The following ANKRD44 variants were observed in gnomAD, a reference collection of about 807,000 sequenced individuals.
The protein encoded by ANKRD44 is ankyrin repeat domain 44, also known as serine/threonine-protein phosphatase 6 regulatory ankyrin repeat subunit B.
ANKRD44 carries 35 observed loss-of-function variants against 116.0 expected under a neutral mutation model. That is an observed-to-expected ratio of 0.30 (90% CI 0.23 to 0.40). The LOEUF (loss-of-function observed/expected upper bound fraction) is 0.40, where lower values mean the gene tolerates loss of function less well. Ranked by LOEUF, ANKRD44 falls within the 10% of genes least tolerant of loss-of-function variation. The pLI is 1.00. For missense variants in ANKRD44, 1,014 were observed against 1,242.6 expected, an observed-to-expected ratio of 0.82 and a Z score of 2.77; for synonymous variants, 435 against 461.8, an observed-to-expected ratio of 0.94 and a Z score of 0.74.
intron 16 of ANKRD44, among the ~76,000 whole-genome samples, chr2:197,075,409 C>T (rs1481135911): frequency 6.6e-6 from 1 of 152,160 alleles, no homozygotes; most frequent in Non-Finnish European, 1.5e-5. Context: ...CTCAAACATA[C>T]ACAAGAAGCT....
chr2:197,054,074 T>C (rs917375261), intron 16 of ANKRD44, among the ~76,000 whole-genome samples: 2 of 152,202 alleles, frequency 1.3e-5, no homozygotes. Context: ...ACCTGGCCGG[T>C]TATAGGACAT....
At chr2:197,148,158 C>T (rs912544424) in intron 2 of ANKRD44, among the ~76,000 whole-genome samples, 4 of 152,174 alleles carry the variant, frequency 2.6e-5, no homozygotes, top group Admixed American at 1.3e-4. Context: ...CCTAGGCAAG[C>T]AGGAGATAAG....
In ANKRD44 at chr2:197,025,207, G is replaced by A. The variant is rs780700221; in HGVS notation, c.1711C>T (p.Leu571Phe). The stretch of plus-strand genomic sequence containing the variant: ...GGCATCTCACTTACAGCTAAGTGGA[G>A]TGGACTCTTAGTAGCACCAGAATCT... ...ESDSGATKSP[L>F]HLAAYNGHHQ... The change falls in exon 17 of 28, where the codon CTC becomes TTC. Residue 571 changes from leucine (L) to phenylalanine (F), a missense_variant. Transcript: ENST00000282272. 6.2e-7 allele frequency: 1 copy of A among 1,612,176 alleles called. No individual in the cohort carries two copies. The highest frequency in any genetic ancestry group is 1.1e-5 in the South Asian group (1 of 90,968).
At chr2:197,258,715 A>T (rs1011654317) in intron 1 of ANKRD44, among the ~76,000 whole-genome samples, 3 of 152,172 alleles carry the variant, frequency 2.0e-5, no homozygotes, top group African/African-American at 7.2e-5. Context: ...AGCAAAGCAC[A>T]AGGTCTTCAA....
intron 21 of ANKRD44, among the ~76,000 whole-genome samples, chr2:197,004,479 A>T (rs1030145521): frequency 3.9e-5 from 6 of 152,192 alleles, no homozygotes. Flanking sequence ...GAAAAAAGTG[A>T]ACAGTGGATG....
chr2:197,301,938 T>C (rs2083921644), intron 1 of ANKRD44, among the ~76,000 whole-genome samples: 1 of 151,948 alleles, frequency 6.6e-6, no homozygotes, highest in South Asian at 2.1e-4. Flanking sequence ...AGACAGGAAA[T>C]GTGGAGTGGG....
chr2:196,993,137 C>T (rs2075951630), intron 27 of ANKRD44, among the ~76,000 whole-genome samples: 1 of 152,068 alleles, frequency 6.6e-6, no homozygotes, highest in Non-Finnish European at 1.5e-5. Context: ...AATATGAGTT[C>T]TGATCTGTAC....
chr2:197,081,107 C>A (rs988099170), intron 15 of ANKRD44, among the ~76,000 whole-genome samples: 1 of 152,158 alleles, frequency 6.6e-6, no homozygotes, highest in Non-Finnish European at 1.5e-5. Flanking sequence ...CAAAGAGCTA[C>A]GTCTCTGTTA....
chr2:197,054,019 A>G (rs1209240134), intron 16 of ANKRD44, among the ~76,000 whole-genome samples: 1 of 152,246 alleles, frequency 6.6e-6, no homozygotes, highest in East Asian at 1.9e-4. Flanking sequence ...GGCAAGGTAC[A>G]GTTCAAAGAA....
intron 9 of ANKRD44, among the ~76,000 whole-genome samples, chr2:197,107,352 G>A (rs758347862): frequency 2.6e-5 from 4 of 152,298 alleles, no homozygotes; most frequent in East Asian, 1.9e-4. Flanking sequence ...CGGCATCTGA[G>A]GGGGGTGCCT....
chr2:197,044,831 A>G (rs780899844), intron 16 of ANKRD44, among the ~76,000 whole-genome samples: 3 of 152,204 alleles, frequency 2.0e-5, no homozygotes, highest in African/African-American at 7.2e-5. Flanking sequence ...GCAATTCCAT[A>G]AAAGAGCTAT....
intron 10 of ANKRD44, among the ~76,000 whole-genome samples, chr2:197,091,719 T>C (rs2078047031): frequency 6.6e-6 from 1 of 152,234 alleles, no homozygotes; most frequent in African/African-American, 2.4e-5. Context: ...CCAAGCACTT[T>C]GCTAGGAGTT....
At chr2:197,131,065 T>C (rs1483316193) in intron 4 of ANKRD44, among the ~76,000 whole-genome samples, 1 of 152,230 alleles carries the variant, frequency 6.6e-6, no homozygotes, top group Non-Finnish European at 1.5e-5. Context: ...GGCTCCCTAC[T>C]AACTTTCTGA....
chr2:197,104,635 T>C (rs1336020274), intron 9 of ANKRD44, among the ~76,000 whole-genome samples: 2 of 152,178 alleles, frequency 1.3e-5, no homozygotes, highest in Non-Finnish European at 2.9e-5. Context: ...AATAAGATCG[T>C]CCATAAGGTC....
chr2:197,034,631 C>A (rs190617914), intron 16 of ANKRD44, among the ~76,000 whole-genome samples: 2 of 151,928 alleles, frequency 1.3e-5, no homozygotes, highest in East Asian at 1.9e-4. Flanking sequence ...CAAATTACTT[C>A]TTTTCTCAAC....
intron 16 of ANKRD44, among the ~76,000 whole-genome samples, chr2:197,072,669 C>A (rs2077585393): frequency 6.6e-6 from 1 of 152,134 alleles, no homozygotes; most frequent in Non-Finnish European, 1.5e-5. Flanking sequence ...GTATTAGAAC[C>A]TAATGCCTTA....
chr2:197,078,678 G>C, intron 16 of ANKRD44, 25 bp downstream of exon 16: 1 of 1,607,656 alleles, frequency 6.2e-7, no homozygotes, highest in Non-Finnish European at 8.5e-7. Context: ...GTGTGTGTTA[G>C]AGAAAACAAA....
intron 1 of ANKRD44, among the ~76,000 whole-genome samples, chr2:197,285,197 T>C (rs1193793375): frequency 1.3e-5 from 2 of 151,972 alleles, no homozygotes; most frequent in East Asian, 1.9e-4. Flanking sequence ...TGTGGACCCA[T>C]TGAGCCAAAC....
intron 2 of ANKRD44, among the ~76,000 whole-genome samples, chr2:197,176,488 C>A (rs1487224352): frequency 6.6e-6 from 1 of 152,126 alleles, no homozygotes; most frequent in Non-Finnish European, 1.5e-5. Context: ...TCAAGCCAAG[C>A]CCAGTGCTCT....
Sources: gnomAD v4.1 joint callset for allele counts (sites outside exome capture counted in the v4.1 genomes callset) on GRCh38, gnomAD v4.1.1 for gene constraint, MANE v1.5 for transcripts, NCBI Gene and HGNC (gene_info 2026-07-23, HGNC 2026-07-21) for gene names.